Variants in TENM2 observed in about 807,000 individuals in gnomAD.
The protein encoded by TENM2 is teneurin transmembrane protein 2, also known as teneurin-2.
A neutral mutation model predicts 245.2 loss-of-function variants in TENM2; 52 were observed. The ratio of observed to expected loss-of-function variants is 0.21; its 90% CI spans 0.17 to 0.27. The LOEUF (loss-of-function observed/expected upper bound fraction) is 0.27. Among genes scored for constraint, TENM2 ranks in the 10% least tolerant of loss-of-function variants. The probability of loss-of-function intolerance (pLI) is 1.00; values close to 1 mark genes in which losing one functional copy is unlikely to be tolerated. For synonymous variants in TENM2, 1,363 were observed against 1,438.9 expected (o/e 0.95, Z 1.19); for missense variants, 3,046 against 3,666.8 (o/e 0.83, Z 4.37).
At chr5:167,415,381 T>C (rs1320279926) in intron 2 of TENM2, among the ~76,000 whole-genome samples, 1 of 152,220 alleles carries the variant, frequency 6.6e-6, no homozygotes, top group Non-Finnish European at 1.5e-5. Context: ...GTTTTCAGGC[T>C]AGTTTTCCTT....
At chr5:168,069,826 T>A (rs1162839816) in intron 7 of TENM2, among the ~76,000 whole-genome samples, 1 of 152,120 alleles carries the variant, frequency 6.6e-6, no homozygotes, top group Non-Finnish European at 1.5e-5. Context: ...AGGAATTTTA[T>A]CAAGTCAAGG....
intron 3 of TENM2, among the ~76,000 whole-genome samples, chr5:167,944,168 G>A (rs770415822): frequency 2.0e-5 from 3 of 152,142 alleles, no homozygotes; most frequent in Non-Finnish European, 4.4e-5. Flanking sequence ...CTATTGGGGC[G>A]GGATGGTCCC....
At chr5:167,264,235 G>A in the TENM2 span, among the ~76,000 whole-genome samples, 3 of 151,878 alleles carry the variant, frequency 2.0e-5, no homozygotes, top group Non-Finnish European at 2.9e-5. Context: ...TCTACATGTT[G>A]TTATTTATTT....
intron 2 of TENM2, among the ~76,000 whole-genome samples, chr5:167,736,247 A>G (rs1328395230): frequency 6.6e-6 from 1 of 152,152 alleles, no homozygotes; most frequent in Non-Finnish European, 1.5e-5. Flanking sequence ...TCGCAAGAAC[A>G]GGAGGGGATA....
chr5:167,052,406 G>T, the TENM2 span, among the ~76,000 whole-genome samples: 1 of 152,036 alleles, frequency 6.6e-6, no homozygotes, highest in East Asian at 1.9e-4. Flanking sequence ...AAAATTTTAT[G>T]GTGTTATGGG....
At chr5:167,389,836 G>A (rs1422523) in intron 2 of TENM2, among the ~76,000 whole-genome samples, 44,417 of 151,986 alleles carry the variant, frequency 0.29, 7,358 homozygotes, top group African/African-American at 0.45. Context: ...CCAAATTACG[G>A]ATCGAAATAT....
intron 12 of TENM2, among the ~76,000 whole-genome samples, chr5:168,146,058 T>A (rs370137417): frequency 2.9e-4 from 44 of 149,480 alleles, no homozygotes; most frequent in African/African-American, 9.7e-4. Flanking sequence ...TGAAGTTGCT[T>A]ATCAGCTTAA....
intron 3 of TENM2, among the ~76,000 whole-genome samples, chr5:167,882,473 A>G (rs1317486712): frequency 6.6e-6 from 1 of 152,202 alleles, no homozygotes; most frequent in Non-Finnish European, 1.5e-5. Context: ...CAATCATTGT[A>G]TTAGTCTGTT....
Position 168,062,319 on chromosome 5 carries a change from G to A in TENM2, c.1515+54G>A. 9 of 1,352,930 alleles carry A rather than the reference G, an allele frequency of 6.7e-6. No homozygotes were observed. The highest frequency in any genetic ancestry group is 1.4e-5 in the African/African-American group (1 of 69,574). The allele number at this position is 1,352,930 out of a possible 1,614,324, so 83.8% of individuals were successfully genotyped here. ...TTTAAAAAAATATATACGTATATATGTGTGTGTGTATATATGCCACTTCAC... is the reference window on the plus strand; with the variant it reads ...TTTAAAAAAATATATACGTATATATATGTGTGTGTATATATGCCACTTCAC... On this transcript the variant is annotated intron_variant, in intron 7 of 28. Coordinates refer to ENST00000518659, the Ensembl canonical transcript of TENM2.
At chr5:168,049,667 G>T (rs561235522) in intron 6 of TENM2, among the ~76,000 whole-genome samples, 1 of 152,176 alleles carries the variant, frequency 6.6e-6, no homozygotes, top group East Asian at 1.9e-4. Flanking sequence ...ACTTTCCATT[G>T]TGTCTTTGGA....
chr5:167,636,373 TATCTGCATTA>T (rs1372005953), intron 2 of TENM2, among the ~76,000 whole-genome samples: 12 of 152,246 alleles, frequency 7.9e-5, no homozygotes, highest in Non-Finnish European at 1.3e-4. Flanking sequence ...GGTGAGTGGC[TATCTGCATTA>T]ATCAGATAAT....
At chr5:167,086,177 ACT>A in the TENM2 span, among the ~76,000 whole-genome samples, 1 of 152,092 alleles carries the variant, frequency 6.6e-6, no homozygotes, top group African/African-American at 2.4e-5. Context: ...TCCTGGAATG[ACT>A]CTTCAGAATT....
chr5:167,329,752 G>A (rs1225536535), intron 1 of TENM2, among the ~76,000 whole-genome samples: 1 of 151,998 alleles, frequency 6.6e-6, no homozygotes, highest in African/African-American at 2.4e-5. Flanking sequence ...TTTAAAAATA[G>A]AAATAGAAAG....
chr5:167,142,614 G>A, the TENM2 span, among the ~76,000 whole-genome samples: 3 of 152,010 alleles, frequency 2.0e-5, no homozygotes, highest in African/African-American at 4.8e-5. Flanking sequence ...GCAGTGGCAC[G>A]ATCTCGGCTC....
At chr5:167,885,325 G>C (rs1216767670) in intron 3 of TENM2, among the ~76,000 whole-genome samples, 1 of 152,056 alleles carries the variant, frequency 6.6e-6, no homozygotes, top group Non-Finnish European at 1.5e-5. Flanking sequence ...ACTGTTAAAG[G>C]CTTATTCTAT....
chr5:167,573,515 TCTCTCCCC>T (rs1205012965), intron 2 of TENM2, among the ~76,000 whole-genome samples: 3 of 98,082 alleles, frequency 3.1e-5, no homozygotes, highest in South Asian at 7.7e-4. Flanking sequence ...TCTCTCTCTC[TCTCTCCCC>T]CTCTCCCCCT....
the TENM2 span, among the ~76,000 whole-genome samples, chr5:167,049,680 A>G: frequency 6.6e-6 from 1 of 152,238 alleles, no homozygotes. Flanking sequence ...ATTAAGCCCT[A>G]GGACACTATG....
chr5:167,675,298 A>G (rs1756243384), intron 2 of TENM2, among the ~76,000 whole-genome samples: 1 of 152,144 alleles, frequency 6.6e-6, no homozygotes, highest in Non-Finnish European at 1.5e-5. Context: ...GAACCCAAGG[A>G]TGTAGAATTC....
intron 2 of TENM2, among the ~76,000 whole-genome samples, chr5:167,844,933 TTC>T (rs1441260172): frequency 6.6e-6 from 1 of 151,844 alleles, no homozygotes; most frequent in Non-Finnish European, 1.5e-5. Flanking sequence ...CTCCTAACAC[TTC>T]TCTAATATCC....
Sources: allele counts gnomAD v4.1 joint callset (sites outside exome capture counted in the v4.1 genomes callset), GRCh38; gene constraint gnomAD v4.1.1; transcripts MANE v1.5; gene names NCBI Gene and HGNC (gene_info 2026-07-23, HGNC 2026-07-21).